Variants in TAF1B observed in about 807,000 individuals in gnomAD.
The protein encoded by TAF1B is TATA-box binding protein associated factor, RNA polymerase I subunit B.
Under a neutral mutation model 83.9 loss-of-function variants are expected in TAF1B, and 61 were observed. The observed-to-expected ratio is 0.73, with a 90% CI of 0.59 to 0.90. The LOEUF (loss-of-function observed/expected upper bound fraction) is 0.90, where lower values mean the gene tolerates loss of function less well. Among genes scored for constraint, TAF1B ranks in the 40% least tolerant of loss-of-function variants. The pLI is 0.00. For synonymous variants in TAF1B, 221 were observed against 224.6 expected (o/e 0.98, Z 0.14); for missense variants, 625 against 677.0 (o/e 0.92, Z 0.85).
At chr2:9,845,915 G>A (rs758421874) in intron 2 of TAF1B, 44 of 332,720 alleles carry the variant, frequency 1.3e-4, no homozygotes, top group Non-Finnish European at 2.1e-4. Context: ...CCCAGGAGGC[G>A]GAGGTTGCAG....
rs1665817959 is a variant in TAF1B at position 9,919,879 on chromosome 2, A to G, written c.1565+59A>G. The G allele has an allele frequency of 2.0e-6, 3 of 1,496,752 alleles. No individual in the cohort carries two copies. In the East Asian group the frequency reaches 7.3e-5, roughly 36 times the overall value. The allele number at this position is 1,496,752 out of a possible 1,614,324, so 92.7% of individuals were successfully genotyped here. Reference sequence around the variant, plus strand: ...TGAAGTAGTTGACTGTATAAGAGCCAGATAGGTTTTTTGTTGGAATTAGAA... The same window carrying G: ...TGAAGTAGTTGACTGTATAAGAGCCGGATAGGTTTTTTGTTGGAATTAGAA... On this transcript the variant is annotated intron_variant, in intron 14 of 14. Coordinates refer to ENST00000263663, the MANE Select transcript of TAF1B (RefSeq NM_005680.3).
intron 8 of TAF1B, 89 bp downstream of exon 8, chr2:9,882,894 G>T: frequency 4.5e-6 from 4 of 884,250 alleles, no homozygotes; most frequent in South Asian, 2.1e-5. Context: ...TTATTATTTG[G>T]TGTTTTGTGT....
chr2:9,856,442 T>C (rs1191583264), intron 5 of TAF1B, among the ~76,000 whole-genome samples: 3 of 152,164 alleles, frequency 2.0e-5, no homozygotes. Context: ...ATCATAGAAC[T>C]ATGAAACATT....
chr2:9,925,592 T>TG (rs1666011246), intron 14 of TAF1B, among the ~76,000 whole-genome samples: 1 of 151,150 alleles, frequency 6.6e-6, no homozygotes, highest in Admixed American at 6.6e-5. Context: ...GGTGTTTGTT[T>TG]TTTTTTTGAG....
At chr2:9,882,220 C>G (rs780661153) in intron 7 of TAF1B, among the ~76,000 whole-genome samples, 1 of 152,220 alleles carries the variant, frequency 6.6e-6, no homozygotes, top group Middle Eastern at 3.4e-3. Context: ...TCTGCCTTAG[C>G]CTCCCGAGTA....
chr2:9,884,343 T>C (rs1308442468), intron 8 of TAF1B, among the ~76,000 whole-genome samples: 1 of 152,206 alleles, frequency 6.6e-6, no homozygotes, highest in Non-Finnish European at 1.5e-5. Context: ...TTTCCTTCTC[T>C]TTGCCCACAA....
chr2:9,919,149 C>T, intron 13 of TAF1B, 38 bp downstream of exon 13: 1 of 1,529,600 alleles, frequency 6.5e-7, no homozygotes, highest in Non-Finnish European at 9.0e-7. Context: ...CAAGTAGCAA[C>T]ACAGTTGTAG....
intron 8 of TAF1B, among the ~76,000 whole-genome samples, chr2:9,895,854 GTTTGC>G (rs1027400483): frequency 5.0e-5 from 7 of 139,940 alleles, no homozygotes; most frequent in African/African-American, 1.9e-4. Context: ...TGAGCAGGAA[GTTTGC>G]CTCTGACAGG....
chr2:9,923,588 C>G (rs527308032), intron 14 of TAF1B, among the ~76,000 whole-genome samples: 3 of 150,688 alleles, frequency 2.0e-5, no homozygotes, highest in African/African-American at 7.3e-5. Flanking sequence ...CTGAGGCAGG[C>G]GAATCACTTG....
intron 6 of TAF1B, chr2:9,868,716 A>C: frequency 3.6e-6 from 2 of 562,686 alleles, no homozygotes; most frequent in Non-Finnish European, 3.5e-6. Context: ...AGAAAGATCT[A>C]TATGTGTGGG....
chr2:9,919,200 T>G (rs193108127), intron 13 of TAF1B, 89 bp downstream of exon 13: 63,023 of 1,061,068 alleles, frequency 0.059, 2,152 homozygotes, highest in Non-Finnish European at 0.073. Context: ...AATGCTTAAG[T>G]TTTTTACTTT....
chr2:9,848,666 C>CAA (rs3032346), intron 2 of TAF1B, among the ~76,000 whole-genome samples: 28,557 of 139,932 alleles, frequency 0.2, 3,054 homozygotes, highest in East Asian at 0.31. Flanking sequence ...AACTCCCTCT[C>CAA]AAAAAAAAAA....
intron 14 of TAF1B, among the ~76,000 whole-genome samples, chr2:9,923,674 T>G (rs905701374): frequency 1.6e-4 from 19 of 118,196 alleles, no homozygotes; most frequent in Middle Eastern, 8.6e-3. Flanking sequence ...AGCGAAACTC[T>G]GTCTCAAAAA....
intron 8 of TAF1B, among the ~76,000 whole-genome samples, chr2:9,898,382 CTTT>C (rs1365105311): frequency 6.6e-6 from 1 of 152,160 alleles, no homozygotes; most frequent in South Asian, 2.1e-4. Flanking sequence ...CTATGTCTGT[CTTT>C]TGTTATTCCA....
Position 9,905,070 on chromosome 2 carries a change from G to C in TAF1B, c.955+64G>C, listed in dbSNP as rs1056654398. On this transcript the variant is annotated intron_variant, in intron 9 of 14. Transcript: ENST00000263663. ...GTAGAGTAATAATAAGCAGAGTATA[G>C]AATCTTTTCAAATCACAGACTATTA... The C allele has an allele frequency of 2.1e-6, 3 of 1,447,006 alleles. No homozygotes were observed. In the Admixed American group the frequency reaches 6.2e-5, roughly 30 times the overall value. The allele number at this position is 1,447,006 out of a possible 1,614,324, so 89.6% of individuals were successfully genotyped here. A position where few individuals can be genotyped will look rare whatever the true frequency, so the allele number is the denominator to read the frequency against.
intron 5 of TAF1B, among the ~76,000 whole-genome samples, chr2:9,865,081 T>A (rs1159761234): frequency 6.6e-6 from 1 of 152,166 alleles, no homozygotes; most frequent in Admixed American, 6.5e-5. Context: ...TGTTGGAAGT[T>A]CTGGCCAGGG....
chr2:9,917,371 A>G (rs919958423), intron 12 of TAF1B, among the ~76,000 whole-genome samples: 1 of 152,220 alleles, frequency 6.6e-6, no homozygotes, highest in African/African-American at 2.4e-5. Context: ...TATTAAAAAT[A>G]AATGGTGAGA....
chr2:9,877,811 A>G (rs1664368166), intron 7 of TAF1B, among the ~76,000 whole-genome samples: 1 of 152,008 alleles, frequency 6.6e-6, no homozygotes, highest in Admixed American at 6.6e-5. Context: ...GGGGTAAGAT[A>G]CTACCCACCC....
intron 8 of TAF1B, among the ~76,000 whole-genome samples, chr2:9,901,891 TA>T (rs577118385): frequency 2.0e-5 from 3 of 149,610 alleles, no homozygotes; most frequent in Non-Finnish European, 1.5e-5. Context: ...ATCCCAACAT[TA>T]AAAAAAAAAC....
Sources: allele counts gnomAD v4.1 joint callset (sites outside exome capture counted in the v4.1 genomes callset), GRCh38; gene constraint gnomAD v4.1.1; transcripts MANE v1.5; gene names NCBI Gene and HGNC (gene_info 2026-07-23, HGNC 2026-07-21).